The following LATS1 variants were observed in gnomAD, a reference collection of about 807,000 sequenced individuals.
LATS1 encodes the protein serine/threonine-protein kinase LATS1.
A neutral mutation model predicts 106.6 loss-of-function variants in LATS1; 25 were observed. The ratio of observed to expected loss-of-function variants is 0.23; its 90% CI spans 0.17 to 0.33. The LOEUF is 0.33. Ranked by LOEUF, LATS1 falls within the 10% of genes least tolerant of loss-of-function variation. LATS1 has a pLI of 1.00. For synonymous variants in LATS1, 465 were observed against 455.6 expected (o/e 1.02, Z -0.26); for missense variants, 1,040 against 1,382.6 (o/e 0.75, Z 3.93).
intron 4 of LATS1, among the ~76,000 whole-genome samples, chr6:149,682,495 T>C (rs1227668066): frequency 6.7e-6 from 1 of 148,650 alleles, no homozygotes; most frequent in Admixed American, 6.8e-5. Context: ...CACTGCAACC[T>C]CCGCCTCCGG....
At chr6:149,702,910 T>C (rs1783544785) in intron 1 of LATS1, among the ~76,000 whole-genome samples, 1 of 150,660 alleles carries the variant, frequency 6.6e-6, no homozygotes, top group African/African-American at 2.4e-5. Flanking sequence ...CCTGACCTCA[T>C]GATCCACCCA....
In LATS1 at chr6:149,696,559, TA is replaced by T. The variant is rs372769091; in HGVS notation, c.349-1339del. On this transcript the variant is annotated intron_variant, in intron 2 of 7. Transcript: ENST00000543571. ...GGGCAACAAGAGTAAAACTCCGTCT[TA>T]AAAAAAAAAAAAAAAAAAAAAAAAA... Among the ~76,000 whole-genome samples, 271 of 45,820 alleles carry T rather than the reference TA, an allele frequency of 5.9e-3. 2 individuals are homozygous for T. The highest frequency in any genetic ancestry group is 0.017 in the African/African-American group (184 of 11,092). The allele number at this position is 45,820 out of a possible 152,430, so 30.1% of individuals were successfully genotyped here.
At chr6:149,682,146 T>C (rs529555809) in intron 4 of LATS1, among the ~76,000 whole-genome samples, 1 of 151,558 alleles carries the variant, frequency 6.6e-6, no homozygotes, top group African/African-American at 2.4e-5. Flanking sequence ...ACTACCTTAA[T>C]ATCTAGAGAT....
At chr6:149,689,418 C>CAA (rs35702198) in intron 3 of LATS1, among the ~76,000 whole-genome samples, 3,316 of 132,336 alleles carry the variant, frequency 0.025, 46 homozygotes, top group African/African-American at 0.044. Flanking sequence ...ATGCCTGTCT[C>CAA]AAAAAAAAAA....
At chr6:149,669,652 T>C (rs984020716) in intron 7 of LATS1, among the ~76,000 whole-genome samples, 11 of 151,628 alleles carry the variant, frequency 7.3e-5, no homozygotes, top group African/African-American at 1.2e-4. Context: ...TCCAGGCTAC[T>C]TGGGAGGATG....
chr6:149,715,095 C>T (rs1784312290), intron 1 of LATS1, among the ~76,000 whole-genome samples: 1 of 151,846 alleles, frequency 6.6e-6, no homozygotes, highest in Admixed American at 6.6e-5. Flanking sequence ...ATTTTTGAGA[C>T]AGAGTCTCAC....
Position 149,718,068 on chromosome 6 carries a change from C to T in LATS1, c.-360G>A, listed in dbSNP as rs562690841. 3.1e-5 allele frequency: 10 copies of T among 319,140 alleles called. No individual in the cohort carries two copies. The East Asian group carries it at 6.7e-4, about 21-fold the overall frequency. 19.8% of individuals were successfully genotyped at this position (319,140 alleles called of 1,614,324 possible). On this transcript the variant is annotated 5_prime_UTR_variant, in exon 1 of 8. Coordinates refer to ENST00000543571, the MANE Select transcript of LATS1 (RefSeq NM_004690.4). The stretch of plus-strand genomic sequence containing the variant: ...ACCGCCGCCGCCGCCGCCATTTTGC[C>T]TTCCACTCAGTGTCGCCGCCGCCGC...
chr6:149,701,876 G>A lies in LATS1; in HGVS notation c.251C>T (p.Ser84Phe). The change falls in exon 2 of 8, where the codon TCT becomes TTT. Residue 84 changes from serine (S) to phenylalanine (F), a missense_variant. Ser to Phe is a radical substitution (Grantham distance 155). Transcript: ENST00000543571. ...HHKALQEIRNSLLPFANETNS... is the reference protein window; with the variant it reads ...HHKALQEIRNFLLPFANETNS... ...TGTTTCATTTGCAAATGGAAGCAGA[G>A]AGTTTCGAATTTCCTGCAAGGCTTT... The A allele has an allele frequency of 6.2e-7, 1 of 1,614,190 alleles. No individual in the cohort carries two copies. The highest frequency in any genetic ancestry group is 1.7e-5 in the Admixed American group (1 of 60,024).
At chr6:149,665,468 C>G (rs1419655161) in intron 7 of LATS1, among the ~76,000 whole-genome samples, 4 of 152,156 alleles carry the variant, frequency 2.6e-5, no homozygotes, top group African/African-American at 9.7e-5. Flanking sequence ...GATTCAGATG[C>G]AGTTATGAGA....
chr6:149,700,038 G>A (rs1783364953), intron 2 of LATS1, among the ~76,000 whole-genome samples: 2 of 152,090 alleles, frequency 1.3e-5, no homozygotes, highest in African/African-American at 2.4e-5. Flanking sequence ...AAATACTAAC[G>A]AGAAAAACAT....
chr6:149,666,845 G>A (rs1781179500), intron 7 of LATS1, among the ~76,000 whole-genome samples: 1 of 151,520 alleles, frequency 6.6e-6, no homozygotes, highest in South Asian at 2.1e-4. Context: ...CCGGGAGGCT[G>A]AGGCAGGAGA....
At chr6:149,693,702 T>C (rs1782903723) in intron 3 of LATS1, among the ~76,000 whole-genome samples, 1 of 152,118 alleles carries the variant, frequency 6.6e-6, no homozygotes, top group African/African-American at 2.4e-5. Flanking sequence ...TAAAATAAGA[T>C]GGTGTTTCCA....
chr6:149,664,084 AC>A (rs1294664901), intron 7 of LATS1, among the ~76,000 whole-genome samples: 1 of 151,990 alleles, frequency 6.6e-6, no homozygotes, highest in Non-Finnish European at 1.5e-5. Flanking sequence ...TGCTATAATT[AC>A]AGGCGTGAGT....
rs1780844336 is a variant in LATS1 at position 149,660,442 on chromosome 6, A to G, written c.*1287T>C. On this transcript the variant is annotated 3_prime_UTR_variant, in exon 8 of 8. Transcript: ENST00000543571. ...ATCACTAAAATTATGCCTCCAATCT[A>G]CAAATAGTAACTTTTGATAAAAACA... is the stretch of plus-strand genomic sequence containing the variant. 10 of 233,008 alleles carry G rather than the reference A, an allele frequency of 4.3e-5. No individual in the cohort carries two copies. The South Asian group carries it at 1.8e-3, about 42-fold the overall frequency. The allele number at this position is 233,008 out of a possible 1,614,324, so 14.4% of individuals were successfully genotyped here. A position where few individuals can be genotyped will look rare whatever the true frequency, so the allele number is the denominator to read the frequency against.
intron 2 of LATS1, among the ~76,000 whole-genome samples, chr6:149,700,030 A>C (rs1256319627): frequency 1.3e-5 from 2 of 152,204 alleles, no homozygotes; most frequent in Non-Finnish European, 2.9e-5. Context: ...AATCCTCCAA[A>C]TACTAACGAG....
intron 3 of LATS1, among the ~76,000 whole-genome samples, chr6:149,688,851 C>T (rs1222599175): frequency 6.6e-6 from 1 of 152,018 alleles, no homozygotes; most frequent in East Asian, 1.9e-4. Flanking sequence ...GATAAGGGCT[C>T]CTCTGAGGGA....
intron 1 of LATS1, among the ~76,000 whole-genome samples, chr6:149,708,818 T>A (rs543936704): frequency 6.6e-6 from 1 of 152,250 alleles, no homozygotes; most frequent in Admixed American, 6.5e-5. Context: ...TATTTGGGGA[T>A]TTGTTACCAC....
intron 2 of LATS1, among the ~76,000 whole-genome samples, chr6:149,698,552 C>CTTT (rs748004563): frequency 7.8e-6 from 1 of 128,940 alleles, no homozygotes; most frequent in Non-Finnish European, 1.7e-5. Context: ...AGCCAGAAGT[C>CTTT]TTTTTTTTTT....
chr6:149,668,999 T>A (rs1411570453), intron 7 of LATS1, among the ~76,000 whole-genome samples: 1 of 151,896 alleles, frequency 6.6e-6, no homozygotes, highest in African/African-American at 2.4e-5. Flanking sequence ...TAAAAAAATT[T>A]TTTTGTAGAG....
Sources: allele counts gnomAD v4.1 joint callset (sites outside exome capture counted in the v4.1 genomes callset), GRCh38; gene constraint gnomAD v4.1.1; transcripts MANE v1.5; gene names NCBI Gene and HGNC (gene_info 2026-07-23, HGNC 2026-07-21).